IQSEC2: variants seen among roughly 807,000 people sequenced by gnomAD.
The protein encoded by IQSEC2 is IQ motif and SEC7 domain-containing protein 2.
IQSEC2 carries 6 observed loss-of-function variants against 74.6 expected under a neutral mutation model. That is an observed-to-expected ratio of 0.08 (90% CI 0.04 to 0.16). The LOEUF is 0.16. Among genes scored for constraint, IQSEC2 ranks in the 10% least tolerant of loss-of-function variants. IQSEC2 has a pLI of 1.00. For synonymous variants in IQSEC2, 494 were observed against 544.5 expected (o/e 0.91, Z 1.29); for missense variants, 734 against 1,306.2 (o/e 0.56, Z 6.75).
chrX:53,273,593 G>A (rs782350926), intron 2 of IQSEC2, among the ~76,000 whole-genome samples: 8 of 112,088 alleles, frequency 7.1e-5, no homozygotes, highest in Middle Eastern at 4.6e-3. Context: ...TGGGACCAAG[G>A]AAAAAGGCCA....
At chrX:53,309,156 T>A (rs782120055) in intron 1 of IQSEC2, among the ~76,000 whole-genome samples, 1 of 109,345 alleles carries the variant, frequency 9.1e-6, no homozygotes, top group African/African-American at 3.3e-5. Flanking sequence ...AGTCAGCTGT[T>A]GTAAATAAGC....
At chrX:53,310,223 C>T (rs1402317754) in intron 1 of IQSEC2, among the ~76,000 whole-genome samples, 2 of 110,081 alleles carry the variant, frequency 1.8e-5, no homozygotes, top group Non-Finnish European at 3.8e-5. Flanking sequence ...GACTCTGTCT[C>T]TACAAAAAAA....
intron 2 of IQSEC2, among the ~76,000 whole-genome samples, chrX:53,280,373 G>A (rs970113275): frequency 7.2e-5 from 8 of 111,090 alleles, no homozygotes; most frequent in African/African-American, 2.0e-4. Flanking sequence ...GAGAGAAACC[G>A]AAAGAGACAG....
At chrX:53,230,879 G>A, downstream of IQSEC2, 1 of 111,908 alleles carries the variant, frequency 8.9e-6, no homozygotes, top group Non-Finnish European at 1.9e-5. Context: ...TTCTGGAGGG[G>A]TGGAGGGAGT....
chrX:53,299,421 G>A (rs1156516968), intron 1 of IQSEC2, among the ~76,000 whole-genome samples: 1 of 111,208 alleles, frequency 9.0e-6, no homozygotes, highest in Non-Finnish European at 1.9e-5. Flanking sequence ...GTCGGCTTTT[G>A]GAGGCCTTTT....
chrX:53,256,089 G>A, intron 2 of IQSEC2, 28 bp from the exon 3 acceptor site: 1 of 1,146,478 alleles, frequency 8.7e-7, no homozygotes, highest in South Asian at 2.1e-5. Context: ...GATGAGCCAG[G>A]ATGTGGGGAC....
intron 2 of IQSEC2, among the ~76,000 whole-genome samples, chrX:53,277,479 A>G (rs1165943418): frequency 9.1e-6 from 1 of 110,002 alleles, no homozygotes; most frequent in Non-Finnish European, 1.9e-5. Flanking sequence ...TCGGCCTCCC[A>G]AAGTGGTGGG....
At chrX:53,292,902 G>A (rs781790196) in intron 1 of IQSEC2, among the ~76,000 whole-genome samples, 2 of 111,703 alleles carry the variant, frequency 1.8e-5, no homozygotes, top group East Asian at 5.7e-4. Context: ...TTTGAAAGTG[G>A]GAGCGTGTGG....
chrX:53,288,494 C>G (rs1340800612), intron 2 of IQSEC2, among the ~76,000 whole-genome samples: 2 of 110,085 alleles, frequency 1.8e-5, no homozygotes, highest in Admixed American at 9.6e-5. Flanking sequence ...CAGGCTGACC[C>G]TCACTGCAGC....
intron 1 of IQSEC2, among the ~76,000 whole-genome samples, chrX:53,317,805 G>C (rs967584746): frequency 4.4e-5 from 5 of 112,561 alleles, no homozygotes; most frequent in Admixed American, 9.4e-5. Context: ...ACCCAGAACA[G>C]ACCTAGCAGG....
Position 53,321,110 on chromosome X carries a change from G to A in IQSEC2, c.14C>T (p.Ser5Leu). 1.8e-6 allele frequency: 2 copies of A among 1,139,068 alleles called. No individual in the cohort carries two copies. Among genetic ancestry groups the A allele is most frequent in the Non-Finnish European group, 2.3e-6 (2 of 859,487 alleles). 93.9% of individuals were successfully genotyped at this position (1,139,068 alleles called of 1,213,427 possible). ...GGATCCCGGGCCGCCCGGGGGCCCC[G>A]ACCCCGCCTCCATCCTGGCGGCCCA... Reference protein sequence around the residue: MEAGSGPPGGPGSES... With the variant: MEAGLGPPGGPGSES... The change falls in exon 1 of 15, where the codon TCG (serine) becomes TTG (leucine). Residue 5 changes from serine (S) to leucine (L), a missense_variant. By Grantham distance (145) the Ser-to-Leu change is moderately radical (BLOSUM62 -2). Coordinates refer to ENST00000642864, the MANE Select transcript of IQSEC2 (RefSeq NM_001111125.3).
intron 2 of IQSEC2, among the ~76,000 whole-genome samples, chrX:53,290,564 C>T (rs1234952054): frequency 8.9e-6 from 1 of 111,956 alleles, no homozygotes; most frequent in Non-Finnish European, 1.9e-5. Flanking sequence ...CTAGGACAAG[C>T]TGTGCCCATG....
At chrX:53,316,600 C>T (rs1192161608) in intron 1 of IQSEC2, among the ~76,000 whole-genome samples, 8 of 111,141 alleles carry the variant, frequency 7.2e-5, no homozygotes, top group South Asian at 3.8e-4. Context: ...GAGGGAGGAC[C>T]GCTTGAGCCC....
chrX:53,245,771 T>A (rs1438680908), intron 8 of IQSEC2, among the ~76,000 whole-genome samples: 8 of 110,962 alleles, frequency 7.2e-5, no homozygotes, highest in Non-Finnish European at 1.9e-5. Flanking sequence ...TCATCTGGCA[T>A]TCAAGGCCCT....
At chrX:53,242,020 C>T in intron 9 of IQSEC2, 111 bp from the exon 10 acceptor site, 1 of 930,778 alleles carries the variant, frequency 1.1e-6, no homozygotes, top group Non-Finnish European at 1.5e-6. Flanking sequence ...ATGTGTGTCA[C>T]TCTGACACAA....
rs182469781 is a variant in IQSEC2, at chrX:53,267,185, C to T, written c.738-11124G>A. The T allele has an allele frequency of 1.1e-5, 11 of 1,013,234 alleles. No individual in the cohort carries two copies. The Admixed American group carries it at 1.1e-4, about 10-fold the overall frequency. 83.5% of individuals were successfully genotyped at this position (1,013,234 alleles called of 1,213,427 possible). On this transcript the variant is annotated intron_variant, in intron 2 of 14. Coordinates refer to ENST00000642864, the MANE Select transcript of IQSEC2 (RefSeq NM_001111125.3). Reference sequence around the variant, plus strand: ...CCAGGACCGGAACCAGAAGGTGGGACGAGAATGGGGGTCAGGGTGGGGAGG... The same window carrying T: ...CCAGGACCGGAACCAGAAGGTGGGATGAGAATGGGGGTCAGGGTGGGGAGG...
chrX:53,298,209 T>A (rs1392318714), intron 1 of IQSEC2, among the ~76,000 whole-genome samples: 10 of 111,650 alleles, frequency 9.0e-5, no homozygotes, highest in African/African-American at 3.3e-4. Context: ...AACTTCCTGT[T>A]TCCTAGATTC....
chrX:53,274,452 C>CTTTTTTTT lies in IQSEC2; in HGVS notation c.737+17435_737+17442dup, dbSNP rs66510453. Among the ~76,000 whole-genome samples, 121 of 47,120 alleles carry CTTTTTTTT rather than the reference C, an allele frequency of 2.6e-3. 25 individuals carry two copies. The highest frequency in any genetic ancestry group is 3.0e-3 in the Non-Finnish European group (90 of 30,076). The allele number at this position is 47,120 out of a possible 115,157, so 40.9% of individuals were successfully genotyped here. ...GCACTTCATTGCTTTAGTTACATTT[C>CTTTTTTTT]TTTTTTTTTTTTTTTTTTTTTTTTT... On this transcript the variant is annotated intron_variant, in intron 2 of 14. Coordinates refer to ENST00000642864, the MANE Select transcript of IQSEC2 (RefSeq NM_001111125.3).
At chrX:53,236,195 C>T (rs2074126688) in intron 13 of IQSEC2, 127 bp downstream of exon 13, 9 of 801,455 alleles carry the variant, frequency 1.1e-5, no homozygotes, top group Non-Finnish European at 1.6e-5. Context: ...GCGCCCAGGG[C>T]TCTGGGTGAA....
Sources: gnomAD v4.1 joint callset for allele counts (sites outside exome capture counted in the v4.1 genomes callset) on GRCh38, gnomAD v4.1.1 for gene constraint, MANE v1.5 for transcripts, NCBI Gene and HGNC (gene_info 2026-07-23, HGNC 2026-07-21) for gene names.